Variants in PCLO observed in about 807,000 individuals in gnomAD.
PCLO encodes protein piccolo.
In PCLO, 82 loss-of-function variants were observed where a neutral mutation model predicts 427.5. The ratio of observed to expected loss-of-function variants is 0.19; its 90% CI spans 0.16 to 0.23. PCLO has a LOEUF of 0.23. Ranked by LOEUF, PCLO falls within the 10% of genes least tolerant of loss-of-function variation. The pLI, the probability that PCLO is intolerant of heterozygous loss-of-function variation, is 1.00. For missense variants in PCLO, 6,239 were observed against 6,115.9 expected, an observed-to-expected ratio of 1.02 and a Z score of -0.67; for synonymous variants, 2,357 against 2,155.4, an observed-to-expected ratio of 1.09 and a Z score of -2.59.
In PCLO at chr7:82,900,355, ACATATAC is replaced by A. The variant is rs1383115272; in HGVS notation, c.13528+2289_13528+2295del. ...CAGTGCTTAAAAAAGAAAACACAGT[ACATATAC>A]CATGTTAGATGTATTGCCTATACAT... On this transcript the variant is annotated intron_variant, in intron 9 of 24. Coordinates refer to ENST00000333891, the MANE Select transcript of PCLO (RefSeq NM_033026.6). Among the ~76,000 whole-genome samples the A allele has an allele frequency of 1.1e-4, 16 of 151,858 alleles. 1 individual carries two copies. The highest frequency in any genetic ancestry group is 6.8e-3 in the Middle Eastern group (2 of 294).
chr7:83,043,042 C>T (rs768263275), intron 3 of PCLO, among the ~76,000 whole-genome samples: 8 of 152,290 alleles, frequency 5.3e-5, no homozygotes, highest in East Asian at 1.9e-4. Context: ...TTGTTGCAGA[C>T]GGACTGTGCT....
chr7:83,065,732 A>T (rs918285409), intron 3 of PCLO, among the ~76,000 whole-genome samples: 16 of 152,092 alleles, frequency 1.1e-4, no homozygotes, highest in Non-Finnish European at 2.4e-4. Flanking sequence ...GAAGAAAAAT[A>T]AAAAACAGGA....
intron 22 of PCLO, among the ~76,000 whole-genome samples, chr7:82,801,124 T>G (rs2129468659): frequency 6.7e-6 from 1 of 149,600 alleles, no homozygotes; most frequent in Non-Finnish European, 1.5e-5. Flanking sequence ...CTTCGTATAT[T>G]TAAGAATTTC....
At chr7:83,139,278 G>A (rs1249825604) in intron 2 of PCLO, among the ~76,000 whole-genome samples, 1 of 152,112 alleles carries the variant, frequency 6.6e-6, no homozygotes, top group African/African-American at 2.4e-5. Flanking sequence ...ATATTGTGGT[G>A]ATTCTTTACT....
At chr7:82,926,454 T>C (rs1263355364) in intron 6 of PCLO, among the ~76,000 whole-genome samples, 1 of 152,194 alleles carries the variant, frequency 6.6e-6, no homozygotes, top group Non-Finnish European at 1.5e-5. Context: ...TATAGGACCC[T>C]ATTAATAATA....
intron 3 of PCLO, among the ~76,000 whole-genome samples, chr7:83,064,309 A>T (rs1162083707): frequency 6.6e-6 from 1 of 152,084 alleles, no homozygotes; most frequent in Admixed American, 6.6e-5. Flanking sequence ...GAAACAGGTC[A>T]TATACTGCAG....
intron 3 of PCLO, among the ~76,000 whole-genome samples, chr7:83,050,289 AC>A (rs1229529630): frequency 2.6e-4 from 25 of 95,296 alleles, no homozygotes; most frequent in Non-Finnish European, 4.3e-4. Flanking sequence ...AAAAAAAAAA[AC>A]AAAACCAAAA....
chr7:83,146,506 G>C (rs1791997009), intron 2 of PCLO, among the ~76,000 whole-genome samples: 1 of 152,042 alleles, frequency 6.6e-6, no homozygotes, highest in South Asian at 2.1e-4. Flanking sequence ...GTGAAATAGG[G>C]GAAACTGTTA....
rs757268101 is a variant in PCLO at position 82,845,407 on chromosome 7, G to T, written c.13910C>A (p.Pro4637Gln). The T allele has an allele frequency of 1.2e-6, 2 of 1,612,964 alleles. No homozygotes were observed. The highest frequency in any genetic ancestry group is 1.3e-5 in the African/African-American group (1 of 74,844). The change falls in exon 13 of 25, where the codon CCG becomes CAG. Residue 4637 changes from proline (P) to glutamine (Q), a missense_variant. Pro to Gln is a moderately conservative substitution (Grantham distance 76). Coordinates refer to ENST00000333891, the MANE Select transcript of PCLO (RefSeq NM_033026.6). ...ELQKVSLQQS[P>Q]LVLSSVVEKG... Reference sequence around the variant, plus strand: ...TTCAACAACTGATGACAGAACCAGCGGTGACTGCTGTAGTGAAACCTTCTG... The same window carrying T: ...TTCAACAACTGATGACAGAACCAGCTGTGACTGCTGTAGTGAAACCTTCTG...
intron 3 of PCLO, among the ~76,000 whole-genome samples, chr7:83,042,428 T>C (rs903043962): frequency 6.6e-6 from 1 of 152,190 alleles, no homozygotes; most frequent in Non-Finnish European, 1.5e-5. Flanking sequence ...CTACATGTCT[T>C]TACCCCTCAA....
intron 10 of PCLO, among the ~76,000 whole-genome samples, chr7:82,876,629 G>T (rs1187518880): frequency 6.6e-6 from 1 of 152,084 alleles, no homozygotes; most frequent in Non-Finnish European, 1.5e-5. Flanking sequence ...ACCTGGTAGT[G>T]TAGAATACAG....
rs577140677 is a variant in PCLO at position 82,872,769 on chromosome 7, G to A, written c.13654+6568C>T. Among the ~76,000 whole-genome samples the A allele has an allele frequency of 1.2e-4, 19 of 152,166 alleles. 1 individual carries two copies. In the South Asian group the frequency reaches 1.9e-3, roughly 15 times the overall value. ...GGGAATGCTTAAATCAAACTGCAGC[G>A]GAGACATACAGTAACAGAATTCTAC... On this transcript the variant is annotated intron_variant, in intron 10 of 24. Transcript: ENST00000333891.
intron 9 of PCLO, among the ~76,000 whole-genome samples, chr7:82,887,468 T>A (rs1338774480): frequency 2.6e-5 from 4 of 152,226 alleles, no homozygotes; most frequent in African/African-American, 9.6e-5. Flanking sequence ...CCTTGAATAT[T>A]GTGAATGTCT....
At chr7:82,884,349 G>A (rs867234765) in intron 9 of PCLO, among the ~76,000 whole-genome samples, 15 of 152,146 alleles carry the variant, frequency 9.9e-5, no homozygotes, top group African/African-American at 3.1e-4. Flanking sequence ...AAATGACACT[G>A]GTATTCTGGC....
chr7:82,762,672 G>A (rs922215026), intron 22 of PCLO, among the ~76,000 whole-genome samples: 5 of 151,854 alleles, frequency 3.3e-5, no homozygotes, highest in East Asian at 1.9e-4. Context: ...TAATGAAAAT[G>A]TTTTAAAGAA....
chr7:83,007,617 A>T (rs1787979931), intron 3 of PCLO, among the ~76,000 whole-genome samples: 1 of 151,576 alleles, frequency 6.6e-6, no homozygotes, highest in Non-Finnish European at 1.5e-5. Context: ...GTGGAAAAAT[A>T]GGTAAGAAAA....
intron 3 of PCLO, among the ~76,000 whole-genome samples, chr7:82,992,590 C>T (rs559997391): frequency 1.3e-5 from 2 of 151,876 alleles, no homozygotes; most frequent in Non-Finnish European, 2.9e-5. Flanking sequence ...CAGGGCCTGT[C>T]GGGGGGTGTG....
rs765707715 is a variant in PCLO at position 82,916,045 on chromosome 7, T to A, written c.11941A>T (p.Ile3981Phe). The change falls in exon 7 of 25, where the codon ATT becomes TTT. Residue 3981 changes from isoleucine (I) to phenylalanine (F), a missense_variant. Coordinates refer to ENST00000333891, the MANE Select transcript of PCLO (RefSeq NM_033026.6). ...EPKITSNYEV[I>F]RNQPLMIAPV... ...GCTATCATAAGGGGTTGGTTGCGAA[T>A]CACTTCATAGTTTGAGGTTATCTTG... 7 of 1,613,148 alleles carry A rather than the reference T, an allele frequency of 4.3e-6. No individual in the cohort carries two copies. The Admixed American group carries it at 5.0e-5, about 12-fold the overall frequency.
At chr7:82,776,758 G>A (rs745477719) in intron 22 of PCLO, among the ~76,000 whole-genome samples, 3 of 152,028 alleles carry the variant, frequency 2.0e-5, no homozygotes, top group Non-Finnish European at 4.4e-5. Flanking sequence ...TCGTGCCACT[G>A]TACTCTAGCC....
Sources: gnomAD v4.1 joint callset for allele counts (sites outside exome capture counted in the v4.1 genomes callset) on GRCh38, gnomAD v4.1.1 for gene constraint, MANE v1.5 for transcripts, NCBI Gene and HGNC (gene_info 2026-07-23, HGNC 2026-07-21) for gene names.